PCDHGB4: variants seen among roughly 807,000 people sequenced by gnomAD.
PCDHGB4 encodes the protein protocadherin gamma subfamily B, 4, also known as protocadherin gamma-B4.
PCDHGB4 carries 38 observed loss-of-function variants against 60.5 expected under a neutral mutation model. The observed-to-expected ratio is 0.63, with a 90% CI of 0.48 to 0.82. The LOEUF (loss-of-function observed/expected upper bound fraction) is 0.82, where lower values mean the gene tolerates loss of function less well. PCDHGB4 is among the 40% of genes least tolerant of loss of function. PCDHGB4 has a pLI of 0.00. For synonymous variants in PCDHGB4, 456 were observed against 509.7 expected, an observed-to-expected ratio of 0.89 and a Z score of 1.42; for missense variants, 1,109 against 1,209.6, an observed-to-expected ratio of 0.92 and a Z score of 1.23.
At chr5:141,443,631 T>C (rs541727440) in intron 1 of PCDHGB4, among the ~76,000 whole-genome samples, 1 of 152,332 alleles carries the variant, frequency 6.6e-6, no homozygotes, top group South Asian at 2.1e-4. Context: ...ATTGTAAAAA[T>C]TGATCCAGAT....
chr5:141,392,783 G>T, intron 1 of PCDHGB4: 1 of 1,542,922 alleles, frequency 6.5e-7, no homozygotes, highest in Admixed American at 2.1e-5. Flanking sequence ...GCACAGTGAA[G>T]ATTCTGAGAG....
At chr5:141,416,362 G>A (rs562901653) in intron 1 of PCDHGB4, 4 of 152,306 alleles carry the variant, frequency 2.6e-5, no homozygotes, top group African/African-American at 7.2e-5. Flanking sequence ...GGAGGCTATA[G>A]AGGGTGAAAT....
intron 1 of PCDHGB4, chr5:141,428,653 T>A (rs952656382): frequency 1.8e-5 from 3 of 167,524 alleles, no homozygotes; most frequent in Admixed American, 1.1e-4. Flanking sequence ...TCACGTGAGT[T>A]CCAATGAATG....
At chr5:141,480,298 C>T (rs1238380283) in intron 1 of PCDHGB4, among the ~76,000 whole-genome samples, 1 of 132,676 alleles carries the variant, frequency 7.5e-6, no homozygotes, top group Non-Finnish European at 1.6e-5. Flanking sequence ...ACCTGTGGTA[C>T]CAGCTACTTG....
chr5:141,394,972 A>G (rs766374618), intron 1 of PCDHGB4: 1 of 1,613,902 alleles, frequency 6.2e-7, no homozygotes, highest in Non-Finnish European at 8.5e-7. Context: ...AGGCGCTGGC[A>G]CAAGTCACGC....
At chr5:141,448,580 TTACAAAAAGATAAAA>T (rs1484851220) in intron 1 of PCDHGB4, among the ~76,000 whole-genome samples, 1 of 152,180 alleles carries the variant, frequency 6.6e-6, no homozygotes, top group Non-Finnish European at 1.5e-5. Context: ...CCCATTTTTT[TTACAAAAAGATAAAA>T]TACTATACAC....
chr5:141,422,519 C>G, intron 1 of PCDHGB4: 1 of 1,613,968 alleles, frequency 6.2e-7, no homozygotes, highest in Non-Finnish European at 8.5e-7. Flanking sequence ...CAGGGAAGCC[C>G]GCCTTTGTCT....
rs773007125 is a variant in PCDHGB4, at chr5:141,388,611, A to T, written c.727A>T (p.Ser243Cys). 13 of 1,613,850 alleles carry T rather than the reference A, an allele frequency of 8.1e-6. No individual in the cohort carries two copies. Among genetic ancestry groups the T allele is most frequent in the Non-Finnish European group, 6.8e-6 (8 of 1,179,900 alleles). Residue 243 changes from serine (S) to cysteine (C), a missense_variant, in exon 1 of 4, where the codon AGT becomes TGT. This residue lies in a region of PCDHGB4 where 1,068 missense variants were observed against 1,089.9 expected (regional missense o/e 0.98). Transcript: ENST00000519479. ...TDANDNAPVF[S>C]QDVYRVSLSE... ...TGCCAATGATAATGCTCCAGTGTTC[A>T]GTCAAGACGTATACAGGGTGAGCCT...
chr5:141,387,829 G>T lies in PCDHGB4; in HGVS notation c.-56G>T. The stretch of plus-strand genomic sequence containing the variant: ...AGATCCAAAAATCTGCAATACAGAG[G>T]TTATTTGTAACCCGGCGTCTCCAGG... On this transcript the variant is annotated 5_prime_UTR_variant, in exon 1 of 4. Transcript: ENST00000519479. 2 of 1,591,770 alleles carry T rather than the reference G, an allele frequency of 1.3e-6. No homozygotes were observed. The highest frequency in any genetic ancestry group is 2.3e-5 in the South Asian group (2 of 87,920).
chr5:141,458,575 G>A (rs1337776166), intron 1 of PCDHGB4, among the ~76,000 whole-genome samples: 1 of 151,346 alleles, frequency 6.6e-6, no homozygotes, highest in Non-Finnish European at 1.5e-5. Context: ...GTTTTTGTTT[G>A]TTTGTTTGTT....
At chr5:141,404,465 G>C in intron 1 of PCDHGB4, 1 of 1,613,516 alleles carries the variant, frequency 6.2e-7, no homozygotes, top group Non-Finnish European at 8.5e-7. Flanking sequence ...CTCCACCTAT[G>C]TCTCTATTAA....
At chr5:141,509,032 A>G (rs2099873869) in intron 3 of PCDHGB4, among the ~76,000 whole-genome samples, 1 of 151,488 alleles carries the variant, frequency 6.6e-6, no homozygotes, top group African/African-American at 2.4e-5. Flanking sequence ...CTCCCACTCA[A>G]CCCCTCTCCC....
Position 141,432,667 on chromosome 5 carries a change from C to T in PCDHGB4, c.2397+42386C>T, listed in dbSNP as rs1312138743. ...CGGCGCGAGCCCTGCTGGACAGAGACGCGCTCAAGCAGAGCCTCGTAGTGG... is the reference window on the plus strand; with the variant it reads ...CGGCGCGAGCCCTGCTGGACAGAGATGCGCTCAAGCAGAGCCTCGTAGTGG... On this transcript the variant is annotated intron_variant, in intron 1 of 3. Transcript: ENST00000519479. This position sits in a 1 kb window ranked among gnomAD's most constrained non-coding sequence, Gnocchi z 6.0. The T allele has an allele frequency of 1.2e-6, 2 of 1,613,876 alleles. No individual in the cohort carries two copies. The highest frequency in any genetic ancestry group is 1.1e-5 in the South Asian group (1 of 91,066).
intron 1 of PCDHGB4, among the ~76,000 whole-genome samples, chr5:141,466,704 T>C (rs1175063183): frequency 6.6e-6 from 1 of 152,202 alleles, no homozygotes; most frequent in Admixed American, 6.5e-5. Context: ...AAATTTGATG[T>C]CTGTTCTTGT....
At chr5:141,424,080 C>T (rs2096798143) in intron 1 of PCDHGB4, 1 of 970,378 alleles carries the variant, frequency 1.0e-6, no homozygotes, top group Admixed American at 6.0e-5. Context: ...AGTTATATTC[C>T]ACCATTATTT....
At chr5:141,484,451 T>G (rs2099596635) in intron 1 of PCDHGB4, among the ~76,000 whole-genome samples, 2 of 152,264 alleles carry the variant, frequency 1.3e-5, no homozygotes, top group South Asian at 4.1e-4. Flanking sequence ...TTTAATTGGC[T>G]ACGTTAATGT....
chr5:141,428,201 CT>C (rs1332694675), intron 1 of PCDHGB4: 1 of 1,349,696 alleles, frequency 7.4e-7, no homozygotes, highest in South Asian at 1.2e-5. Context: ...CTCTGCGCCG[CT>C]ACGCTTCACC....
At chr5:141,393,301 G>A (rs1398078406) in intron 1 of PCDHGB4, 2 of 1,613,768 alleles carry the variant, frequency 1.2e-6, no homozygotes, top group Non-Finnish European at 1.7e-6. Context: ...CCGGATGTGG[G>A]CGTGAACTCC....
At chr5:141,479,189 G>A (rs1466742057) in intron 1 of PCDHGB4, 3 of 152,358 alleles carry the variant, frequency 2.0e-5, no homozygotes, top group African/African-American at 7.2e-5. Flanking sequence ...AGAAAATTCA[G>A]AAAATACAGA....
Sources: allele counts gnomAD v4.1 joint callset (sites outside exome capture counted in the v4.1 genomes callset), GRCh38; gene constraint gnomAD v4.1.1; regional missense constraint gnomAD v4.1.1; non-coding constraint Gnocchi (gnomAD v3.1); transcripts MANE v1.5; gene names NCBI Gene and HGNC (gene_info 2026-07-23, HGNC 2026-07-21).